The following ATP2B2 variants were observed in gnomAD, a reference collection of about 807,000 sequenced individuals.
ATP2B2 encodes the protein plasma membrane calcium-transporting ATPase 2.
In ATP2B2, 15 loss-of-function variants were observed where a neutral mutation model predicts 120.0. That is an observed-to-expected ratio of 0.12 (90% CI 0.08 to 0.19). The LOEUF (loss-of-function observed/expected upper bound fraction) is 0.19. Ranked by LOEUF, ATP2B2 falls within the 10% of genes least tolerant of loss-of-function variation. ATP2B2 has a pLI of 1.00. For missense variants in ATP2B2, 1,045 were observed against 1,719.8 expected (o/e 0.61, Z 6.94); for synonymous variants, 694 against 700.3 (o/e 0.99, Z 0.14).
chr3:10,360,159 G>A, intron 12 of ATP2B2, 36 bp from the exon 13 acceptor site: 2 of 1,552,260 alleles, frequency 1.3e-6, no homozygotes, highest in Non-Finnish European at 1.7e-6. Context: ...GCACCTGGTG[G>A]GGCCTGTGTC....
Position 10,328,930 on chromosome 3 carries a change from G to A in ATP2B2, c.3616C>T (p.Leu1206Phe). The change falls in exon 23 of 23, where the codon CTC (leucine) becomes TTC (phenylalanine). Residue 1206 changes from leucine (L) to phenylalanine (F), a missense_variant. Leu to Phe is a conservative substitution (Grantham distance 22, BLOSUM62 0). This residue lies in a region of ATP2B2 where 211 missense variants were observed against 385.1 expected (regional missense o/e 0.55). Transcript: ENST00000360273. ...LKQNSSPPSS[L>F]NKNNSAIDSG... ...TCGATGGCGCTGTTGTTCTTGTTGA[G>A]GGATGACGGCGGGCTCGAGTTCTGC... The A allele has an allele frequency of 6.2e-7, 1 of 1,613,970 alleles. No homozygotes were observed. Among genetic ancestry groups the A allele is most frequent in the Non-Finnish European group, 8.5e-7 (1 of 1,180,006 alleles).
intron 2 of ATP2B2, chr3:10,570,055 GGATGCCT>G (rs747812963): frequency 6.6e-6 from 1 of 152,112 alleles, no homozygotes; most frequent in African/African-American, 2.4e-5. Context: ...CATTTACTTT[GGATGCCT>G]GATGTCTGAA....
At chr3:10,382,413 C>G (rs527297002) in intron 8 of ATP2B2, among the ~76,000 whole-genome samples, 3 of 151,824 alleles carry the variant, frequency 2.0e-5, no homozygotes, top group Admixed American at 2.0e-4. Flanking sequence ...GTGGCATGAT[C>G]TCAGCTCACT....
intron 1 of ATP2B2, among the ~76,000 whole-genome samples, chr3:10,470,131 G>A (rs1244547695): frequency 6.6e-6 from 1 of 152,148 alleles, no homozygotes; most frequent in Non-Finnish European, 1.5e-5. Flanking sequence ...GACCCAGGGA[G>A]TTATCAAGGA....
chr3:10,467,816 G>A (rs935568018), intron 1 of ATP2B2, among the ~76,000 whole-genome samples: 2 of 152,058 alleles, frequency 1.3e-5, no homozygotes, highest in Non-Finnish European at 2.9e-5. Context: ...ATGAGCGTGA[G>A]AGCAGCAAAG....
intron 8 of ATP2B2, among the ~76,000 whole-genome samples, chr3:10,384,156 C>T (rs942073856): frequency 6.6e-6 from 1 of 152,220 alleles, no homozygotes; most frequent in Non-Finnish European, 1.5e-5. Context: ...GTGCTTCCAT[C>T]TTTGGGCACT....
At chr3:10,463,477 T>A (rs1427142453) in intron 1 of ATP2B2, among the ~76,000 whole-genome samples, 1 of 152,240 alleles carries the variant, frequency 6.6e-6, no homozygotes, top group Non-Finnish European at 1.5e-5. Flanking sequence ...TTTATAGGCA[T>A]CAAACCAGCA....
intron 1 of ATP2B2, among the ~76,000 whole-genome samples, chr3:10,459,584 TCCTAACTGG>T (rs2064400899): frequency 1.3e-5 from 2 of 152,208 alleles, no homozygotes; most frequent in African/African-American, 2.4e-5. Flanking sequence ...AGCCTCCAGG[TCCTAACTGG>T]CCTAACTGGC....
chr3:10,381,106 G>A (rs369142534), intron 8 of ATP2B2, among the ~76,000 whole-genome samples: 1 of 152,170 alleles, frequency 6.6e-6, no homozygotes, highest in African/African-American at 2.4e-5. Flanking sequence ...TGACTCAGAG[G>A]GGAGAAGTGG....
chr3:10,440,630 G>A (rs543100771), intron 2 of ATP2B2, among the ~76,000 whole-genome samples: 1 of 152,266 alleles, frequency 6.6e-6, no homozygotes, highest in African/African-American at 2.4e-5. Flanking sequence ...ACTCAATTCT[G>A]CCCTGTCCTT....
At position 10,411,365 on chromosome 3, in the gene ATP2B2, G is replaced by T. The variant is rs532167716; in HGVS notation, c.200-550C>A. Among the ~76,000 whole-genome samples, 71 of 152,288 alleles carry T rather than the reference G, an allele frequency of 4.7e-4. No homozygotes were observed. In the South Asian group the frequency reaches 0.014, roughly 30 times the overall value. The stretch of plus-strand genomic sequence containing the variant: ...TGACCTCTGGCCTCGAGTCATGAGA[G>T]AATAAAATTCCCTTGTTTTAAGCCA... On this transcript the variant is annotated intron_variant, in intron 2 of 22. Coordinates refer to ENST00000360273, the MANE Select transcript of ATP2B2 (RefSeq NM_001001331.4).
intron 2 of ATP2B2, among the ~76,000 whole-genome samples, chr3:10,602,097 AGTGCTGGGTTGAAGCCCCCTC>A (rs1201893308): frequency 1.3e-5 from 2 of 152,216 alleles, no homozygotes; most frequent in Non-Finnish European, 2.9e-5. Context: ...AGCCAGAGGC[AGTGCTGGGTTGAAGCCCCCTC>A]GGAGCCCCCT....
chr3:10,629,324 G>C (rs2069797677), intron 1 of ATP2B2, among the ~76,000 whole-genome samples: 1 of 152,152 alleles, frequency 6.6e-6, no homozygotes, highest in Non-Finnish European at 1.5e-5. Context: ...CACCGCAAAA[G>C]CACCATGAGT....
At chr3:10,469,516 C>A (rs979159551) in intron 1 of ATP2B2, among the ~76,000 whole-genome samples, 1 of 152,160 alleles carries the variant, frequency 6.6e-6, no homozygotes, top group African/African-American at 2.4e-5. Context: ...GTGCAAAGAG[C>A]CCTGGAAGCT....
At position 10,345,505 on chromosome 3, in the gene ATP2B2, A is replaced by G; in HGVS notation, c.2582T>C (p.Ile861Thr). 7 of 1,614,174 alleles carry G rather than the reference A, an allele frequency of 4.3e-6. No individual in the cohort carries two copies. The highest frequency in any genetic ancestry group is 5.1e-6 in the Non-Finnish European group (6 of 1,180,014). ...IILTDDNFSSIVKAVMWGRNV... is the reference protein window; with the variant it reads ...IILTDDNFSSTVKAVMWGRNV... Reference sequence around the variant, plus strand: ...GCGGCCCCACATCACTGCCTTGACGATGCTGCTGAAATTGTCGTCTGTCAG... The same window carrying G: ...GCGGCCCCACATCACTGCCTTGACGGTGCTGCTGAAATTGTCGTCTGTCAG... Residue 861 changes from isoleucine to threonine, a missense_variant, in exon 18 of 23, where the codon ATC (isoleucine) becomes ACC (threonine). Physicochemically the swap from Ile to Thr is moderately conservative, Grantham distance 89. Around this residue, in one of 11 missense-constraint regions of ATP2B2, gnomAD observed 98 missense variants for 266.7 expected, o/e 0.37. Transcript: ENST00000360273.
intron 1 of ATP2B2, among the ~76,000 whole-genome samples, chr3:10,459,642 T>C (rs1326248465): frequency 6.6e-6 from 1 of 152,232 alleles, no homozygotes; most frequent in Non-Finnish European, 1.5e-5. Flanking sequence ...ATCCCCCTCA[T>C]TCTCTCCCAC....
At chr3:10,476,509 G>C (rs1481078260) in intron 1 of ATP2B2, among the ~76,000 whole-genome samples, 3 of 152,198 alleles carry the variant, frequency 2.0e-5, no homozygotes, top group Admixed American at 6.5e-5. Flanking sequence ...GTCAAGGCTG[G>C]GGCCCCATGC....
At chr3:10,409,420 T>C (rs989321861) in intron 3 of ATP2B2, among the ~76,000 whole-genome samples, 1 of 152,234 alleles carries the variant, frequency 6.6e-6, no homozygotes, top group Admixed American at 6.5e-5. Flanking sequence ...CTCTTTAGTA[T>C]ATTCCAGCAA....
chr3:10,352,974 C>A (rs376399188), intron 14 of ATP2B2, among the ~76,000 whole-genome samples: 2 of 152,218 alleles, frequency 1.3e-5, no homozygotes, highest in Non-Finnish European at 1.5e-5. Flanking sequence ...TCCCTAGATC[C>A]GTTCCCAGGT....
Sources: allele counts gnomAD v4.1 joint callset (sites outside exome capture counted in the v4.1 genomes callset), GRCh38; gene constraint gnomAD v4.1.1; regional missense constraint gnomAD v4.1.1; transcripts MANE v1.5; gene names NCBI Gene and HGNC (gene_info 2026-07-23, HGNC 2026-07-21).